Variants in ARHGAP26 observed in about 807,000 individuals in gnomAD.
The protein encoded by ARHGAP26 is rho GTPase-activating protein 26.
Under a neutral mutation model 104.8 loss-of-function variants are expected in ARHGAP26, and 38 were observed. The observed-to-expected ratio is 0.36, with a 90% CI of 0.28 to 0.48. The LOEUF (loss-of-function observed/expected upper bound fraction) is 0.48, where lower values mean the gene tolerates loss of function less well. Among genes scored for constraint, ARHGAP26 ranks in the 20% least tolerant of loss-of-function variants. ARHGAP26 has a pLI of 0.99. For missense variants in ARHGAP26, 704 were observed against 947.9 expected (o/e 0.74, Z 3.38); for synonymous variants, 341 against 340.0 (o/e 1.00, Z -0.03).
At chr5:143,097,546 C>T (rs1057085558) in intron 17 of ARHGAP26, among the ~76,000 whole-genome samples, 6 of 151,302 alleles carry the variant, frequency 4.0e-5, no homozygotes, top group African/African-American at 7.3e-5. Flanking sequence ...AATGGCCGGG[C>T]GCGGTGGCTC....
intron 18 of ARHGAP26, among the ~76,000 whole-genome samples, chr5:143,132,382 C>G (rs1463955815): frequency 2.7e-5 from 4 of 150,322 alleles, no homozygotes; most frequent in African/African-American, 7.3e-5. Context: ...GAAAGGTGGC[C>G]CTAGACACAT....
intron 17 of ARHGAP26, among the ~76,000 whole-genome samples, chr5:143,094,436 G>A (rs984090921): frequency 4.6e-5 from 7 of 152,262 alleles, no homozygotes; most frequent in Admixed American, 3.9e-4. Context: ...AAGGGGGTGG[G>A]GTGCACCTCC....
intron 1 of ARHGAP26, among the ~76,000 whole-genome samples, chr5:142,797,956 A>G (rs1761326869): frequency 6.6e-6 from 1 of 152,146 alleles, no homozygotes; most frequent in Non-Finnish European, 1.5e-5. Context: ...GTGCTAGACC[A>G]AGTTTCCCTT....
chr5:143,003,728 C>T (rs2152792506), intron 11 of ARHGAP26, among the ~76,000 whole-genome samples: 1 of 152,258 alleles, frequency 6.6e-6, no homozygotes, highest in African/African-American at 2.4e-5. Context: ...CGTTTTTGAG[C>T]ACCTCCAGTC....
intron 20 of ARHGAP26, among the ~76,000 whole-genome samples, chr5:143,156,379 G>A (rs984688255): frequency 2.6e-5 from 4 of 152,162 alleles, no homozygotes; most frequent in African/African-American, 7.2e-5. Context: ...GCTTCATTTG[G>A]TCTCTGTTAC....
intron 5 of ARHGAP26, among the ~76,000 whole-genome samples, chr5:142,890,123 C>A (rs1449731408): frequency 1.1e-5 from 1 of 88,154 alleles, no homozygotes. Flanking sequence ...GTAACAAGAG[C>A]GAAACTCCGT....
intron 4 of ARHGAP26, among the ~76,000 whole-genome samples, chr5:142,879,997 G>T (rs1756716658): frequency 6.6e-6 from 1 of 152,142 alleles, no homozygotes; most frequent in Non-Finnish European, 1.5e-5. Flanking sequence ...CCAGTTTTAT[G>T]TGAAATTTCT....
At chr5:142,826,312 G>A (rs1264060080) in intron 1 of ARHGAP26, among the ~76,000 whole-genome samples, 2 of 152,174 alleles carry the variant, frequency 1.3e-5, no homozygotes, top group East Asian at 1.9e-4. Context: ...ACTCACATCC[G>A]GGGTGGAGGA....
chr5:142,921,786 A>G (rs1763226106), intron 10 of ARHGAP26: 1 of 152,804 alleles, frequency 6.5e-6, no homozygotes, highest in South Asian at 2.1e-4. Flanking sequence ...TTATCACTAC[A>G]TTGCAGGATT....
intron 13 of ARHGAP26, among the ~76,000 whole-genome samples, chr5:143,039,015 A>G (rs1428306868): frequency 6.6e-6 from 1 of 152,056 alleles, no homozygotes; most frequent in Admixed American, 6.6e-5. Flanking sequence ...TGAAAAATGC[A>G]AGTTACAAAG....
chr5:143,098,511 G>T (rs117858431), intron 17 of ARHGAP26, among the ~76,000 whole-genome samples: 4 of 152,070 alleles, frequency 2.6e-5, no homozygotes, highest in Non-Finnish European at 4.4e-5. Flanking sequence ...ACCCTCAAAA[G>T]CTAGTGTAAT....
Position 142,879,505 on chromosome 5 carries a change from C to A in ARHGAP26, c.384+60C>A, listed in dbSNP as rs760932069. 10 of 1,427,584 alleles carry A rather than the reference C, an allele frequency of 7.0e-6. No homozygotes were observed. In the Middle Eastern group the frequency reaches 5.4e-4, roughly 77 times the overall value. 88.4% of individuals were successfully genotyped at this position (1,427,584 alleles called of 1,614,324 possible). A position where few individuals can be genotyped will look rare whatever the true frequency, so the allele number is the denominator to read the frequency against. On this transcript the variant is annotated intron_variant, in intron 4 of 22. Transcript: ENST00000645722. ...GGTGAGAGGTCTGGAAAACATAGCA[C>A]CTTTCTTTAAAACAAAGTCTTCAGA...
intron 12 of ARHGAP26, 144 bp from the exon 13 acceptor site, chr5:143,037,052 A>T: frequency 2.3e-6 from 1 of 428,420 alleles, no homozygotes; most frequent in Non-Finnish European, 4.2e-6. Flanking sequence ...TATTATTATT[A>T]TGTTATTCCT....
At position 143,053,865 on chromosome 5, in the gene ARHGAP26, T is replaced by C. The variant is rs180981790; in HGVS notation, c.1286-574T>C. The stretch of plus-strand genomic sequence containing the variant: ...TTTCTCATAGACATATCTTGTTTTT[T>C]TTTATTTGACATTATATAATGCAGG... On this transcript the variant is annotated intron_variant, in intron 14 of 22. Coordinates refer to ENST00000645722, the MANE Select transcript of ARHGAP26 (RefSeq NM_001135608.3). Among the ~76,000 whole-genome samples the C allele has an allele frequency of 6.2e-3, 938 of 152,356 alleles. 6 individuals carry two copies. The highest frequency in any genetic ancestry group is 0.021 in the African/African-American group (884 of 41,576).
intron 11 of ARHGAP26, among the ~76,000 whole-genome samples, chr5:142,991,551 G>C (rs1285157058): frequency 6.6e-6 from 1 of 152,152 alleles, no homozygotes; most frequent in Non-Finnish European, 1.5e-5. Context: ...CACACTGGGA[G>C]CTGTAGACTG....
chr5:143,054,814 G>A (rs1437199343), intron 15 of ARHGAP26, among the ~76,000 whole-genome samples: 3 of 152,208 alleles, frequency 2.0e-5, no homozygotes, highest in Admixed American at 1.3e-4. Context: ...GGTCTTCCCC[G>A]AAGTCCCTGA....
chr5:142,798,364 C>T (rs1464446683), intron 1 of ARHGAP26, among the ~76,000 whole-genome samples: 1 of 152,198 alleles, frequency 6.6e-6, no homozygotes, highest in East Asian at 1.9e-4. Flanking sequence ...CTTCCCTTCA[C>T]CTCTTCCTCC....
chr5:143,034,437 A>T (rs189625206), intron 12 of ARHGAP26, among the ~76,000 whole-genome samples: 3 of 152,238 alleles, frequency 2.0e-5, no homozygotes, highest in African/African-American at 7.2e-5. Flanking sequence ...TGAAGTACTG[A>T]TGCTACAACA....
intron 20 of ARHGAP26, among the ~76,000 whole-genome samples, chr5:143,161,477 A>G (rs1174850319): frequency 3.3e-5 from 5 of 152,154 alleles, no homozygotes; most frequent in African/African-American, 4.8e-5. Flanking sequence ...CCTGATCTTC[A>G]TCTGTCATTC....
Sources: gnomAD v4.1 joint callset for allele counts (sites outside exome capture counted in the v4.1 genomes callset) on GRCh38, gnomAD v4.1.1 for gene constraint, MANE v1.5 for transcripts, NCBI Gene and HGNC (gene_info 2026-07-23, HGNC 2026-07-21) for gene names.